The following RHOBTB1 variants were observed in gnomAD, a reference collection of about 807,000 sequenced individuals.
The protein encoded by RHOBTB1 is rho-related BTB domain-containing protein 1.
A neutral mutation model predicts 71.6 loss-of-function variants in RHOBTB1; 40 were observed. The ratio of observed to expected loss-of-function variants is 0.56; its 90% CI spans 0.43 to 0.73. The LOEUF (loss-of-function observed/expected upper bound fraction) is 0.73, where lower values mean the gene tolerates loss of function less well. RHOBTB1 is among the 30% of genes least tolerant of loss of function. The probability of loss-of-function intolerance (pLI) is 0.00; values close to 1 mark genes in which losing one functional copy is unlikely to be tolerated. For missense variants in RHOBTB1, 797 were observed against 894.0 expected, an observed-to-expected ratio of 0.89 and a Z score of 1.38; for synonymous variants, 319 against 334.9, an observed-to-expected ratio of 0.95 and a Z score of 0.52.
At chr10:60,884,260 G>A (rs142969147) in intron 7 of RHOBTB1, among the ~76,000 whole-genome samples, 21 of 152,116 alleles carry the variant, frequency 1.4e-4, no homozygotes, top group African/African-American at 4.8e-4. Flanking sequence ...GGGAGTGCTC[G>A]AATTTCTTGT....
chr10:60,886,762 T>A (rs118035075), intron 6 of RHOBTB1, among the ~76,000 whole-genome samples: 5,366 of 151,688 alleles, frequency 0.035, 168 homozygotes, highest in East Asian at 0.092. Context: ...GGATTTAAAC[T>A]GCCGGGTTCC....
chr10:60,867,504 G>C (rs2080640479), downstream of RHOBTB1, among the ~76,000 whole-genome samples: 1 of 152,258 alleles, frequency 6.6e-6, no homozygotes, highest in Non-Finnish European at 1.5e-5. Flanking sequence ...TGAACGACAG[G>C]AGAGGCAAGT....
At chr10:60,871,926 G>T in intron 10 of RHOBTB1, 1 of 603,936 alleles carries the variant, frequency 1.7e-6, no homozygotes, top group African/African-American at 1.9e-5. Flanking sequence ...CAAGGGGAAG[G>T]CCACCACCTC....
chr10:60,969,605 G>C (rs1459468934), intron 2 of RHOBTB1, among the ~76,000 whole-genome samples: 1 of 151,972 alleles, frequency 6.6e-6, no homozygotes, highest in African/African-American at 2.4e-5. Flanking sequence ...GGCTCAATTA[G>C]GATTTTCTAT....
chr10:60,956,876 A>G (rs1026896834), intron 2 of RHOBTB1, among the ~76,000 whole-genome samples: 14 of 152,340 alleles, frequency 9.2e-5, no homozygotes, highest in South Asian at 2.1e-4. Flanking sequence ...TGTGTCAGTT[A>G]CAGATACTCA....
At chr10:60,947,848 T>C (rs540645224), upstream of RHOBTB1, among the ~76,000 whole-genome samples, 2 of 152,346 alleles carry the variant, frequency 1.3e-5, no homozygotes, top group South Asian at 2.1e-4. Context: ...GGATGAATAC[T>C]GAAGAATGCA....
At chr10:60,968,781 A>G (rs1451221683) in intron 2 of RHOBTB1, among the ~76,000 whole-genome samples, 1 of 152,130 alleles carries the variant, frequency 6.6e-6, no homozygotes, top group Non-Finnish European at 1.5e-5. Context: ...AGGTTAACCA[A>G]TGGTGGTTAT....
At chr10:60,866,444 A>G (rs2080635759), downstream of RHOBTB1, among the ~76,000 whole-genome samples, 1 of 152,248 alleles carries the variant, frequency 6.6e-6, no homozygotes, top group South Asian at 2.1e-4. Context: ...TTAAAGACAT[A>G]CATTGAACAG....
chr10:60,880,853 C>T (rs981787025), intron 7 of RHOBTB1, among the ~76,000 whole-genome samples: 2 of 152,350 alleles, frequency 1.3e-5, no homozygotes, highest in East Asian at 3.9e-4. Flanking sequence ...ATGCATTTAT[C>T]TTACACAAAT....
chr10:60,901,758 A>G (rs1471743412), intron 4 of RHOBTB1, among the ~76,000 whole-genome samples: 1 of 152,248 alleles, frequency 6.6e-6, no homozygotes, highest in Non-Finnish European at 1.5e-5. Context: ...GCTTCCTGTT[A>G]TTAAGCAGTA....
chr10:60,912,351 A>G (rs2083036771), intron 2 of RHOBTB1, among the ~76,000 whole-genome samples: 1 of 152,206 alleles, frequency 6.6e-6, no homozygotes, highest in Admixed American at 6.5e-5. Flanking sequence ...CGCCTGGCTC[A>G]GCCTCCTGAG....
At chr10:61,001,173 T>C (rs1373819429) in intron 1 of RHOBTB1, among the ~76,000 whole-genome samples, 1 of 152,112 alleles carries the variant, frequency 6.6e-6, no homozygotes, top group Non-Finnish European at 1.5e-5. Flanking sequence ...TGGGGCCCTG[T>C]GCTTTGTCAG....
chr10:60,965,168 A>G (rs911454307), intron 2 of RHOBTB1, among the ~76,000 whole-genome samples: 8 of 152,076 alleles, frequency 5.3e-5, no homozygotes, highest in Non-Finnish European at 1.0e-4. Context: ...AGTAGAGAAG[A>G]CAAATATTAT....
At chr10:60,862,695 CTTTT>C in the RHOBTB1 span, among the ~76,000 whole-genome samples, 1 of 137,742 alleles carries the variant, frequency 7.3e-6, no homozygotes, top group Admixed American at 7.9e-5. Flanking sequence ...CTTCCTCTTT[CTTTT>C]CTCTTTCTTT....
Position 60,876,142 on chromosome 10 carries a change from G to A in RHOBTB1, c.1727-1100C>T, listed in dbSNP as rs575721825. Among the ~76,000 whole-genome samples the A allele has an allele frequency of 2.0e-5, 3 of 152,232 alleles. No individual in the cohort carries two copies. The South Asian group carries it at 6.2e-4, about 32-fold the overall frequency. On this transcript the variant is annotated intron_variant, in intron 8 of 10. Coordinates refer to ENST00000337910, the MANE Select transcript of RHOBTB1 (RefSeq NM_014836.5). ...CCAGAGAAGTCATCTGGGCTTTGCC[G>A]TTTTAAGTAACTGCAACATTTCCTG... is the stretch of plus-strand genomic sequence containing the variant.
intron 2 of RHOBTB1, among the ~76,000 whole-genome samples, chr10:60,960,559 T>C (rs1282054963): frequency 6.6e-6 from 1 of 152,188 alleles, no homozygotes; most frequent in East Asian, 1.9e-4. Context: ...GTTTGAACTA[T>C]TTGGTTGGAT....
chr10:60,870,643 C>A lies in RHOBTB1; in HGVS notation c.*839G>T, dbSNP rs763348869. On this transcript the variant is annotated 3_prime_UTR_variant, in exon 11 of 11. Coordinates refer to ENST00000337910, the MANE Select transcript of RHOBTB1 (RefSeq NM_014836.5). ...TTCAAGGAATACTGAGAGATGTAAA[C>A]CCTAATACAGCAATCCGAACACCAG... The A allele has an allele frequency of 6.6e-6, 1 of 152,218 alleles. No individual in the cohort carries two copies. The highest frequency in any genetic ancestry group is 2.1e-4 in the South Asian group (1 of 4,818). 9.4% of individuals were successfully genotyped at this position (152,218 alleles called of 1,614,324 possible). A position where few individuals can be genotyped will look rare whatever the true frequency, so the allele number is the denominator to read the frequency against.
chr10:60,996,251 C>T (rs1269103829), intron 1 of RHOBTB1, among the ~76,000 whole-genome samples: 1 of 152,122 alleles, frequency 6.6e-6, no homozygotes, highest in African/African-American at 2.4e-5. Context: ...AGTCTAAACC[C>T]TTCAGAACTT....
the RHOBTB1 span, among the ~76,000 whole-genome samples, chr10:60,862,727 C>T: frequency 1.4e-4 from 17 of 124,442 alleles, no homozygotes; most frequent in African/African-American, 4.6e-4. Flanking sequence ...TCTTTCTTTC[C>T]TATTTCTCTC....
Sources: gnomAD v4.1 joint callset for allele counts (sites outside exome capture counted in the v4.1 genomes callset) on GRCh38, gnomAD v4.1.1 for gene constraint, MANE v1.5 for transcripts, NCBI Gene and HGNC (gene_info 2026-07-23, HGNC 2026-07-21) for gene names.